The following RBFOX1 variants were observed in gnomAD, a reference collection of about 807,000 sequenced individuals.
RBFOX1 encodes RNA binding protein fox-1 homolog 1.
Under a neutral mutation model 57.7 loss-of-function variants are expected in RBFOX1, and 8 were observed. The observed-to-expected ratio is 0.14, with a 90% CI of 0.08 to 0.25. RBFOX1 has a LOEUF of 0.25. RBFOX1 is among the 10% of genes least tolerant of loss of function. The pLI is 1.00. For synonymous variants in RBFOX1, 326 were observed against 222.4 expected, an observed-to-expected ratio of 1.47 and a Z score of -4.15; for missense variants, 611 against 548.5, an observed-to-expected ratio of 1.11 and a Z score of -1.14.
At chr16:6,546,763 C>A (rs1255280518) in intron 2 of RBFOX1, among the ~76,000 whole-genome samples, 3 of 152,184 alleles carry the variant, frequency 2.0e-5, no homozygotes, top group Non-Finnish European at 2.9e-5. Flanking sequence ...CATGATTTAA[C>A]CCCTAGCGGA....
At chr16:6,961,245 C>T (rs2082943054) in intron 3 of RBFOX1, among the ~76,000 whole-genome samples, 1 of 152,006 alleles carries the variant, frequency 6.6e-6, no homozygotes, top group Non-Finnish European at 1.5e-5. Context: ...CTGCTGATGG[C>T]CATTTTCTCA....
intron 4 of RBFOX1, among the ~76,000 whole-genome samples, chr16:7,420,610 AT>A (rs1239246965): frequency 2.7e-5 from 4 of 150,170 alleles, no homozygotes; most frequent in Non-Finnish European, 5.9e-5. Flanking sequence ...CTTTCTGATG[AT>A]TTTTTTTCCT....
chr16:5,934,978 A>G (rs759208919), intron 4 of RBFOX1, among the ~76,000 whole-genome samples: 34 of 152,182 alleles, frequency 2.2e-4, no homozygotes, highest in South Asian at 4.1e-4. Flanking sequence ...GGCCTCCCCC[A>G]GAGAGATCAG....
intron 2 of RBFOX1, among the ~76,000 whole-genome samples, chr16:5,534,892 A>G (rs746418879): frequency 1.3e-5 from 2 of 152,228 alleles, no homozygotes; most frequent in Admixed American, 6.5e-5. Flanking sequence ...TGCTACAGAT[A>G]TGGGTCGCCA....
At chr16:6,468,208 C>G (rs951557666) in intron 2 of RBFOX1, among the ~76,000 whole-genome samples, 1 of 152,098 alleles carries the variant, frequency 6.6e-6, no homozygotes, top group Non-Finnish European at 1.5e-5. Context: ...CATTGGAGAG[C>G]TATTTGGCCT....
rs143564552 is a variant in RBFOX1 at position 6,169,645 on chromosome 16, T to C, written c.-126-147350T>C. The stretch of plus-strand genomic sequence containing the variant: ...AGAACTGAGCTAGATTGGTTACAGC[T>C]CCGCGTTTGCCTAATTTGAACATAG... On this transcript the variant is annotated intron_variant, in intron 1 of 15. Transcript: ENST00000550418. Among the ~76,000 whole-genome samples, 381 of 152,316 alleles carry C rather than the reference T, an allele frequency of 2.5e-3. 4 individuals carry two copies. The highest frequency in any genetic ancestry group is 6.9e-3 in the Admixed American group (106 of 15,294).
intron 4 of RBFOX1, among the ~76,000 whole-genome samples, chr16:7,238,825 T>C (rs2093911035): frequency 6.6e-6 from 1 of 152,194 alleles, no homozygotes; most frequent in African/African-American, 2.4e-5. Context: ...CCAGTGTGTG[T>C]TGTTCCCCTC....
chr16:7,586,798 C>T (rs1341452005), intron 6 of RBFOX1, among the ~76,000 whole-genome samples: 3 of 152,176 alleles, frequency 2.0e-5, no homozygotes, highest in South Asian at 4.1e-4. Context: ...GATAGAGCTG[C>T]TCCTAGATTT....
At chr16:5,451,132 G>T (rs527627835) in intron 1 of RBFOX1, among the ~76,000 whole-genome samples, 32 of 152,254 alleles carry the variant, frequency 2.1e-4, no homozygotes, top group Non-Finnish European at 4.4e-4. Context: ...GTTTATTACT[G>T]TTGAACAATA....
chr16:6,634,776 T>C (rs1182514421), intron 2 of RBFOX1, among the ~76,000 whole-genome samples: 2 of 47,116 alleles, frequency 4.2e-5, no homozygotes, highest in Non-Finnish European at 5.5e-5. Context: ...TTGTACTAAA[T>C]ATATAATACA....
At chr16:7,482,848 G>T (rs929248231) in intron 4 of RBFOX1, among the ~76,000 whole-genome samples, 1 of 152,150 alleles carries the variant, frequency 6.6e-6, no homozygotes, top group Non-Finnish European at 1.5e-5. Flanking sequence ...TGAACACCAT[G>T]TACAGGAGAT....
intron 4 of RBFOX1, among the ~76,000 whole-genome samples, chr16:5,966,354 C>G (rs890286484): frequency 7.9e-5 from 12 of 152,186 alleles, no homozygotes; most frequent in African/African-American, 4.8e-5. Flanking sequence ...CCAGGGAAGC[C>G]TCATGGGGCT....
At chr16:6,398,789 C>T (rs1283587366) in intron 2 of RBFOX1, among the ~76,000 whole-genome samples, 1 of 152,192 alleles carries the variant, frequency 6.6e-6, no homozygotes, top group African/African-American at 2.4e-5. Context: ...GTGCACAGTC[C>T]AGGCTGTCGC....
Position 6,575,233 on chromosome 16 carries a change from T to G in RBFOX1, c.-63-79370T>G, listed in dbSNP as rs138774791. On this transcript the variant is annotated intron_variant, in intron 2 of 15. Coordinates refer to ENST00000550418, the MANE Select transcript of RBFOX1 (RefSeq NM_018723.4). ...CTTCTGTGTCATATCATAACTCTGA[T>G]AAAGATAATTACATCCTAGTGTCTA... Among the ~76,000 whole-genome samples, 268 of 152,290 alleles carry G rather than the reference T, an allele frequency of 1.8e-3. 2 individuals are homozygous for G. Among genetic ancestry groups the G allele is most frequent in the African/African-American group, 6.3e-3 (263 of 41,570 alleles).
At chr16:5,385,537 T>C (rs769150914) in intron 1 of RBFOX1, among the ~76,000 whole-genome samples, 19 of 152,200 alleles carry the variant, frequency 1.2e-4, no homozygotes, top group Non-Finnish European at 2.5e-4. Context: ...TCTCAAAGAA[T>C]GACATGGCTT....
intron 3 of RBFOX1, among the ~76,000 whole-genome samples, chr16:5,739,315 C>T (rs2052692969): frequency 6.6e-6 from 1 of 152,238 alleles, no homozygotes; most frequent in African/African-American, 2.4e-5. Context: ...TGTTGTGCAC[C>T]TATGGGTAAC....
At chr16:6,413,481 G>C (rs1386527724) in intron 2 of RBFOX1, among the ~76,000 whole-genome samples, 1 of 152,136 alleles carries the variant, frequency 6.6e-6, no homozygotes, top group Non-Finnish European at 1.5e-5. Flanking sequence ...ATTTTTAATA[G>C]ATAATGGTTA....
At chr16:5,386,100 T>A (rs568450122) in intron 1 of RBFOX1, among the ~76,000 whole-genome samples, 1 of 129,796 alleles carries the variant, frequency 7.7e-6, no homozygotes, top group African/African-American at 3.0e-5. Flanking sequence ...TTGGAAAGTT[T>A]GCAACTTTTT....
rs1555528224 is a variant in RBFOX1 at position 6,530,752 on chromosome 16, CTT to C, written c.-63-123850_-63-123849del. ...GGGAACTCCCTTTTATAAACCGTCC[CTT>C]CCCCACCCCCATCTCATGAGACTTA... On this transcript the variant is annotated intron_variant, in intron 2 of 15. Transcript: ENST00000550418. 7.6e-3 allele frequency among the ~76,000 whole-genome samples: 1,142 copies of C among 150,634 alleles called. 3 individuals are homozygous for C. The highest frequency in any genetic ancestry group is 0.01 in the Non-Finnish European group (684 of 67,616).
Sources: gnomAD v4.1 joint callset for allele counts (sites outside exome capture counted in the v4.1 genomes callset) on GRCh38, gnomAD v4.1.1 for gene constraint, MANE v1.5 for transcripts, NCBI Gene and HGNC (gene_info 2026-07-23, HGNC 2026-07-21) for gene names.